The following SIRPG variants were observed in gnomAD, a reference collection of about 807,000 sequenced individuals.
SIRPG encodes signal-regulatory protein gamma.
Under a neutral mutation model 35.7 loss-of-function variants are expected in SIRPG, and 38 were observed. The observed-to-expected ratio is 1.06, with a 90% CI of 0.82 to 1.40. The LOEUF (loss-of-function observed/expected upper bound fraction) is 1.40, where lower values mean the gene tolerates loss of function less well. SIRPG is among the 40% of genes most tolerant of loss of function. SIRPG has a pLI of 0.00. For missense variants in SIRPG, 519 were observed against 483.0 expected, an observed-to-expected ratio of 1.07 and a Z score of -0.70; for synonymous variants, 215 against 190.4, an observed-to-expected ratio of 1.13 and a Z score of -1.06.
At chr20:1,659,598 A>C (rs565658418), upstream of SIRPG, among the ~76,000 whole-genome samples, 1 of 152,338 alleles carries the variant, frequency 6.6e-6, no homozygotes, top group South Asian at 2.1e-4. Flanking sequence ...CCCATGAGGT[A>C]AGCTCAACCA....
At chr20:1,681,707 AC>A in the SIRPG span, among the ~76,000 whole-genome samples, 1 of 152,074 alleles carries the variant, frequency 6.6e-6, no homozygotes, top group Non-Finnish European at 1.5e-5. Flanking sequence ...GTGGTGGCAC[AC>A]CCCTGTGGTC....
chr20:1,649,091 C>A lies in SIRPG; in HGVS notation c.391G>T (p.Glu131Ter), dbSNP rs62641733. 6.2e-7 allele frequency: 1 copy of A among 1,613,912 alleles called. No homozygotes were observed. The highest frequency in any genetic ancestry group is 8.5e-7 in the Non-Finnish European group (1 of 1,179,852). The change falls in exon 2 of 6, where the codon GAG becomes TAG. Residue 131 changes from glutamate to a stop codon, truncating the protein, a stop_gained. Coordinates refer to ENST00000303415, the MANE Select transcript of SIRPG (RefSeq NM_018556.4). LOFTEE classifies it high-confidence loss of function. The stretch of plus-strand genomic sequence containing the variant: ...TCAGTGCCTGGTCCAGACTTAAACT[C>A]CACGTTCTCAGGGCTCCCTTTTCGA... ...KFRKGSPENV[E>*]FKSGPGTEMA...
At chr20:1,631,065 C>T (rs994282684) in intron 4 of SIRPG, among the ~76,000 whole-genome samples, 11 of 152,246 alleles carry the variant, frequency 7.2e-5, no homozygotes, top group South Asian at 2.1e-4. Context: ...CACTCAGTTA[C>T]GGGGAAGCAC....
intron 2 of SIRPG, among the ~76,000 whole-genome samples, chr20:1,638,791 C>A (rs999882129): frequency 1.4e-5 from 2 of 139,566 alleles, no homozygotes; most frequent in African/African-American, 5.3e-5. Flanking sequence ...CCTTGACTGG[C>A]CCTGGTGTGT....
chr20:1,663,038 G>A, the SIRPG span, among the ~76,000 whole-genome samples: 1 of 152,068 alleles, frequency 6.6e-6, no homozygotes, highest in Admixed American at 6.5e-5. Flanking sequence ...TCATGGCCCG[G>A]CGCGGTAGCT....
chr20:1,673,458 C>T, the SIRPG span, among the ~76,000 whole-genome samples: 404 of 152,264 alleles, frequency 2.7e-3, 3 homozygotes, highest in African/African-American at 8.8e-3. Context: ...CAGAGCCTGG[C>T]ATGTCGTAGG....
chr20:1,672,986 G>C, the SIRPG span, among the ~76,000 whole-genome samples: 2 of 152,188 alleles, frequency 1.3e-5, no homozygotes, highest in Admixed American at 1.3e-4. Context: ...ACACAGATTA[G>C]AGAATCAGAA....
At chr20:1,667,317 T>C in the SIRPG span, among the ~76,000 whole-genome samples, 1 of 152,160 alleles carries the variant, frequency 6.6e-6, no homozygotes, top group East Asian at 1.9e-4. Context: ...CCTAGGTGTG[T>C]AGTATGTAGT....
intron 1 of SIRPG, among the ~76,000 whole-genome samples, chr20:1,652,889 A>G (rs1375071648): frequency 6.6e-6 from 1 of 152,206 alleles, no homozygotes; most frequent in African/African-American, 2.4e-5. Flanking sequence ...TTTTTATGTC[A>G]GATCCTGGCA....
intron 2 of SIRPG, among the ~76,000 whole-genome samples, chr20:1,641,685 C>T (rs890956242): frequency 2.0e-5 from 3 of 152,004 alleles, no homozygotes; most frequent in Admixed American, 6.6e-5. Context: ...TGTGATGTTA[C>T]GGTGTTGATT....
chr20:1,661,445 G>A (rs1167726113), upstream of SIRPG, among the ~76,000 whole-genome samples: 2 of 152,228 alleles, frequency 1.3e-5, no homozygotes, highest in African/African-American at 4.8e-5. Flanking sequence ...AATAGGAGCA[G>A]GTAACATGGG....
chr20:1,634,554 A>G (rs1333164713), intron 4 of SIRPG, among the ~76,000 whole-genome samples: 3 of 152,098 alleles, frequency 2.0e-5, no homozygotes, highest in Non-Finnish European at 2.9e-5. Flanking sequence ...AGCAGATGTC[A>G]GGGTGTACTG....
In SIRPG at chr20:1,631,257, C is replaced by T. The variant is rs147558055; in HGVS notation, c.1082-951G>A. ...CTGTGGCTGCTGGGGTGTTGGAGGC[C>T]GGCAGTTCTCAGCTGGGTGGCTCTC... is the stretch of plus-strand genomic sequence containing the variant. On this transcript the variant is annotated intron_variant, in intron 4 of 5. Coordinates refer to ENST00000303415, the MANE Select transcript of SIRPG (RefSeq NM_018556.4). Among the ~76,000 whole-genome samples the T allele has an allele frequency of 9.4e-3, 1,435 of 152,146 alleles. 8 individuals are homozygous for T. Among genetic ancestry groups the T allele is most frequent in the Middle Eastern group, 0.041 (12 of 294 alleles).
chr20:1,667,052 A>G, the SIRPG span, among the ~76,000 whole-genome samples: 1 of 152,006 alleles, frequency 6.6e-6, no homozygotes, highest in African/African-American at 2.4e-5. Context: ...GTGCATCACC[A>G]CACGTAGTCA....
chr20:1,635,037 C>T (rs1327073947), intron 4 of SIRPG, among the ~76,000 whole-genome samples: 1 of 121,564 alleles, frequency 8.2e-6, no homozygotes, highest in Non-Finnish European at 1.8e-5. Flanking sequence ...AGCCAGACTC[C>T]GTCTCAAAAA....
chr20:1,684,077 G>T, the SIRPG span, among the ~76,000 whole-genome samples: 24 of 152,120 alleles, frequency 1.6e-4, no homozygotes, highest in Non-Finnish European at 3.1e-4. Flanking sequence ...TTAGATAAGA[G>T]AAATAAGTTT....
At chr20:1,669,070 T>C in the SIRPG span, among the ~76,000 whole-genome samples, 2 of 152,180 alleles carry the variant, frequency 1.3e-5, no homozygotes, top group Non-Finnish European at 2.9e-5. Context: ...AAACAGGACA[T>C]ATTTTGGTCA....
intron 4 of SIRPG, chr20:1,630,559 T>G: frequency 2.3e-6 from 1 of 427,112 alleles, no homozygotes; most frequent in East Asian, 5.2e-5. Context: ...TGTACTCAGG[T>G]ATTCATACAT....
chr20:1,675,048 T>C, the SIRPG span, among the ~76,000 whole-genome samples: 3 of 152,288 alleles, frequency 2.0e-5, no homozygotes, highest in South Asian at 6.2e-4. Flanking sequence ...CTTGACTTTA[T>C]GCAATTCTAG....
Sources: allele counts gnomAD v4.1 joint callset (sites outside exome capture counted in the v4.1 genomes callset), GRCh38; gene constraint gnomAD v4.1.1; transcripts MANE v1.5; gene names NCBI Gene and HGNC (gene_info 2026-07-23, HGNC 2026-07-21).